The following EIPR1 variants were observed in gnomAD, a reference collection of about 807,000 sequenced individuals.
EIPR1 encodes the protein EARP and GARP complex-interacting protein 1.
Under a neutral mutation model 48.1 loss-of-function variants are expected in EIPR1, and 25 were observed. That is an observed-to-expected ratio of 0.52 (90% CI 0.38 to 0.73). The LOEUF (loss-of-function observed/expected upper bound fraction) is 0.73, where lower values mean the gene tolerates loss of function less well. EIPR1 is among the 30% of genes least tolerant of loss of function. EIPR1 has a pLI of 0.00. For synonymous variants in EIPR1, 204 were observed against 201.9 expected, an observed-to-expected ratio of 1.01 and a Z score of -0.09; for missense variants, 415 against 506.2, an observed-to-expected ratio of 0.82 and a Z score of 1.73.
chr2:3,250,722 G>A (rs983308481), intron 4 of EIPR1, among the ~76,000 whole-genome samples: 49 of 152,206 alleles, frequency 3.2e-4, no homozygotes, highest in African/African-American at 1.1e-3. Flanking sequence ...GAAAGGCTGA[G>A]CACCCGTCCC....
chr2:3,308,567 A>C (rs560522356), intron 3 of EIPR1, among the ~76,000 whole-genome samples: 3 of 152,334 alleles, frequency 2.0e-5, no homozygotes, highest in Admixed American at 1.3e-4. Flanking sequence ...CAGTCTCCAG[A>C]GAGGAGAAAG....
intron 3 of EIPR1, among the ~76,000 whole-genome samples, chr2:3,316,898 T>C (rs1669319691): frequency 6.6e-6 from 1 of 152,252 alleles, no homozygotes; most frequent in Admixed American, 6.5e-5. Context: ...AAACAGACCA[T>C]GTGCTGTCAG....
chr2:3,234,487 T>C (rs1230791885), intron 4 of EIPR1, among the ~76,000 whole-genome samples: 1 of 151,860 alleles, frequency 6.6e-6, no homozygotes, highest in Non-Finnish European at 1.5e-5. Flanking sequence ...GGGCCCTGTG[T>C]CACGACGCTC....
chr2:3,351,147 C>T lies in EIPR1; in HGVS notation c.126+3403G>A, dbSNP rs193232842. 2.6e-4 allele frequency among the ~76,000 whole-genome samples: 39 copies of T among 151,988 alleles called. No individual in the cohort carries two copies. The East Asian group carries it at 4.8e-3, about 19-fold the overall frequency. On this transcript the variant is annotated intron_variant, in intron 2 of 8. Coordinates refer to ENST00000382125, the MANE Select transcript of EIPR1 (RefSeq NM_003310.5). Reference sequence around the variant, plus strand: ...TTCCAAGTAGCTGGGATTACAGGTGCGTGCCACCACACCCAGCTAATTTTT... The same window carrying T: ...TTCCAAGTAGCTGGGATTACAGGTGTGTGCCACCACACCCAGCTAATTTTT...
intron 4 of EIPR1, among the ~76,000 whole-genome samples, chr2:3,245,719 C>T (rs756142114): frequency 3.3e-5 from 5 of 152,186 alleles, no homozygotes; most frequent in South Asian, 2.1e-4. Flanking sequence ...CACACCTAAG[C>T]GCATCTAGGC....
At position 3,227,726 on chromosome 2, in the gene EIPR1, C is replaced by T. The variant is rs947245838; in HGVS notation, c.417-13478G>A. The stretch of plus-strand genomic sequence containing the variant: ...AAAATGGTTTCACAGGCCAGGCCTA[C>T]GGCCCCCCTGCTCTGTGCAGCCTTG... On this transcript the variant is annotated intron_variant, in intron 4 of 8. Transcript: ENST00000382125. 7.2e-5 allele frequency among the ~76,000 whole-genome samples: 11 copies of T among 152,362 alleles called. No individual in the cohort carries two copies. The South Asian group carries it at 8.3e-4, about 11-fold the overall frequency.
chr2:3,277,180 A>C (rs1286487250), intron 3 of EIPR1, among the ~76,000 whole-genome samples: 1 of 152,018 alleles, frequency 6.6e-6, no homozygotes, highest in Non-Finnish European at 1.5e-5. Flanking sequence ...GAGCCTCTCC[A>C]CCCACGCGGC....
intron 4 of EIPR1, among the ~76,000 whole-genome samples, chr2:3,251,221 C>A (rs916805127): frequency 1.3e-5 from 2 of 152,182 alleles, no homozygotes; most frequent in African/African-American, 4.8e-5. Context: ...GAGAAGACTG[C>A]GGCCGTGCCC....
At chr2:3,190,641 G>C (rs1664573768) in intron 8 of EIPR1, among the ~76,000 whole-genome samples, 1 of 152,106 alleles carries the variant, frequency 6.6e-6, no homozygotes, top group Non-Finnish European at 1.5e-5. Flanking sequence ...GGCCCATCAG[G>C]CTCCTCCCCT....
chr2:3,308,349 G>C (rs968433211), intron 3 of EIPR1, among the ~76,000 whole-genome samples: 1 of 151,798 alleles, frequency 6.6e-6, no homozygotes, highest in African/African-American at 2.4e-5. Flanking sequence ...ACAAATAAAG[G>C]GAAAAACTCA....
intron 3 of EIPR1, among the ~76,000 whole-genome samples, chr2:3,273,807 C>T (rs1667767542): frequency 6.6e-6 from 1 of 152,178 alleles, no homozygotes. Flanking sequence ...CTGATAGGAG[C>T]CTGTGACCCA....
intron 3 of EIPR1, among the ~76,000 whole-genome samples, chr2:3,310,449 T>A (rs13405252): frequency 7.1e-6 from 1 of 141,294 alleles, no homozygotes; most frequent in East Asian, 2.2e-4. Flanking sequence ...GTCAGGAGAC[T>A]GAGACCATCC....
At chr2:3,195,109 G>T (rs373003094) in intron 6 of EIPR1, among the ~76,000 whole-genome samples, 1 of 152,226 alleles carries the variant, frequency 6.6e-6, no homozygotes, top group African/African-American at 2.4e-5. Context: ...GCTGCTCCTC[G>T]CAGGGTCTGA....
intron 2 of EIPR1, among the ~76,000 whole-genome samples, chr2:3,351,206 G>A (rs1670567484): frequency 2.6e-5 from 4 of 152,020 alleles, no homozygotes; most frequent in African/African-American, 9.7e-5. Flanking sequence ...TCACCATGTT[G>A]GCCAGGCTGG....
intron 2 of EIPR1, among the ~76,000 whole-genome samples, chr2:3,353,039 G>T (rs1156965468): frequency 6.6e-6 from 1 of 152,160 alleles, no homozygotes; most frequent in African/African-American, 2.4e-5. Flanking sequence ...AGTACAGTAA[G>T]GTGTTCTGAC....
At chr2:3,195,645 C>T (rs1358050143) in intron 6 of EIPR1, among the ~76,000 whole-genome samples, 9 of 152,128 alleles carry the variant, frequency 5.9e-5, no homozygotes, top group Non-Finnish European at 8.8e-5. Context: ...GATGGACAGT[C>T]GCACGTGCAC....
intron 2 of EIPR1, among the ~76,000 whole-genome samples, chr2:3,342,091 T>C (rs1670269232): frequency 6.6e-6 from 1 of 152,192 alleles, no homozygotes; most frequent in Non-Finnish European, 1.5e-5. Flanking sequence ...ACTACATAAA[T>C]GTTGAAACTG....
At chr2:3,302,950 G>T (rs746718872) in intron 3 of EIPR1, among the ~76,000 whole-genome samples, 1 of 152,204 alleles carries the variant, frequency 6.6e-6, no homozygotes, top group Non-Finnish European at 1.5e-5. Flanking sequence ...CCACAGCAGG[G>T]ACACGAAATC....
chr2:3,338,253 A>G lies in EIPR1; in HGVS notation c.127-104T>C, dbSNP rs1670128060. 4.5e-6 allele frequency: 6 copies of G among 1,346,524 alleles called. No homozygotes were observed. In the Admixed American group the frequency reaches 1.0e-4, roughly 23 times the overall value. 83.4% of individuals were successfully genotyped at this position (1,346,524 alleles called of 1,614,324 possible). On this transcript the variant is annotated intron_variant, in intron 2 of 8. Transcript: ENST00000382125. ...AATAGTCACATGCACATTTCGTGAC[A>G]GATACATCTTTAGTTAATTGTTATT... is the stretch of plus-strand genomic sequence containing the variant.
Sources: allele counts gnomAD v4.1 joint callset (sites outside exome capture counted in the v4.1 genomes callset), GRCh38; gene constraint gnomAD v4.1.1; transcripts MANE v1.5; gene names NCBI Gene and HGNC (gene_info 2026-07-23, HGNC 2026-07-21).